MYT1L: variants seen among roughly 807,000 people sequenced by gnomAD.
MYT1L encodes myelin transcription factor 1 like, also known as myelin transcription factor 1-like protein.
MYT1L carries 12 observed loss-of-function variants against 126.7 expected under a neutral mutation model. The ratio of observed to expected loss-of-function variants is 0.09; its 90% CI spans 0.06 to 0.15. The LOEUF (loss-of-function observed/expected upper bound fraction) is 0.15. Among genes scored for constraint, MYT1L ranks in the 10% least tolerant of loss-of-function variants. The probability of loss-of-function intolerance (pLI) is 1.00; values close to 1 mark genes in which losing one functional copy is unlikely to be tolerated. For missense variants in MYT1L, 979 were observed against 1,585.2 expected (o/e 0.62, Z 6.49); for synonymous variants, 541 against 604.2 (o/e 0.90, Z 1.53).
chr2:1,957,894 C>T (rs966372506), intron 8 of MYT1L, among the ~76,000 whole-genome samples: 1 of 152,128 alleles, frequency 6.6e-6, no homozygotes, highest in Non-Finnish European at 1.5e-5. Flanking sequence ...GTTTTAATGA[C>T]CATATCACTC....
At chr2:2,013,530 G>A (rs931719632) in intron 4 of MYT1L, among the ~76,000 whole-genome samples, 3 of 152,232 alleles carry the variant, frequency 2.0e-5, no homozygotes, top group Admixed American at 1.3e-4. Flanking sequence ...CATGGTCACC[G>A]TGAGGGCACA....
chr2:2,294,465 G>A (rs995421524), intron 1 of MYT1L, among the ~76,000 whole-genome samples: 1 of 152,076 alleles, frequency 6.6e-6, no homozygotes, highest in Non-Finnish European at 1.5e-5. Context: ...TCTGATGCCC[G>A]CGCCTGATGC....
At chr2:1,851,804 C>G in intron 18 of MYT1L, 101 bp from the exon 19 acceptor site, 1 of 1,129,558 alleles carries the variant, frequency 8.9e-7, no homozygotes, top group Non-Finnish European at 1.3e-6. Context: ...TCTATTGCTT[C>G]ACTTCCTACT....
chr2:1,843,272 G>A (rs539470333), intron 19 of MYT1L, among the ~76,000 whole-genome samples: 1 of 152,236 alleles, frequency 6.6e-6, no homozygotes, highest in Non-Finnish European at 1.5e-5. Flanking sequence ...CCTCTGAGAG[G>A]CGATGCCTGG....
rs544308620 is a variant in MYT1L, at chr2:2,263,615, T to A, written c.-421+20789A>T. Among the ~76,000 whole-genome samples the A allele has an allele frequency of 2.1e-3, 321 of 152,260 alleles. 1 individual carries two copies. Among genetic ancestry groups the A allele is most frequent in the South Asian group, 0.018 (85 of 4,824 alleles). ...CCTCTGCCTTTACTTACAGCACCTGTCAGCTGATGCAGCTCACGCCCCAGG... is the reference window on the plus strand; with the variant it reads ...CCTCTGCCTTTACTTACAGCACCTGACAGCTGATGCAGCTCACGCCCCAGG... On this transcript the variant is annotated intron_variant, in intron 2 of 24. Transcript: ENST00000647738.
chr2:2,140,294 A>C (rs1234517166), intron 3 of MYT1L, among the ~76,000 whole-genome samples: 1 of 152,208 alleles, frequency 6.6e-6, no homozygotes, highest in Admixed American at 6.5e-5. Context: ...AGGAACCAAT[A>C]AGAATGTTTT....
At chr2:2,111,155 C>T (rs994716153) in intron 3 of MYT1L, among the ~76,000 whole-genome samples, 2 of 152,126 alleles carry the variant, frequency 1.3e-5, no homozygotes, top group Admixed American at 1.3e-4. Flanking sequence ...GGAGAGTACC[C>T]CAGCGTCAGC....
At chr2:1,998,363 G>A (rs1431352559) in intron 4 of MYT1L, among the ~76,000 whole-genome samples, 1 of 152,206 alleles carries the variant, frequency 6.6e-6, no homozygotes, top group African/African-American at 2.4e-5. Context: ...CCTCATTAGA[G>A]CAACAGGAAA....
intron 18 of MYT1L, among the ~76,000 whole-genome samples, chr2:1,865,105 A>G (rs2045281975): frequency 6.6e-6 from 1 of 152,142 alleles, no homozygotes; most frequent in South Asian, 2.1e-4. Context: ...TCAGCGTGCT[A>G]ACCCTCCAGG....
chr2:2,257,448 C>T (rs180747887), intron 2 of MYT1L, among the ~76,000 whole-genome samples: 11 of 152,180 alleles, frequency 7.2e-5, no homozygotes, highest in East Asian at 1.9e-4. Flanking sequence ...GAGGCTGAAG[C>T]GGTTGGATCA....
At chr2:2,120,476 T>C (rs2080840974) in intron 3 of MYT1L, among the ~76,000 whole-genome samples, 1 of 152,082 alleles carries the variant, frequency 6.6e-6, no homozygotes, top group Non-Finnish European at 1.5e-5. Flanking sequence ...GCCTTTTTTA[T>C]TTATTTTTAT....
At chr2:1,996,771 C>T (rs1238096531) in intron 5 of MYT1L, among the ~76,000 whole-genome samples, 6 of 127,666 alleles carry the variant, frequency 4.7e-5, no homozygotes, top group East Asian at 2.5e-4. Flanking sequence ...CGAGTGTAGA[C>T]GGGCCGCCTT....
chr2:2,156,061 A>G (rs1357784728), intron 3 of MYT1L, among the ~76,000 whole-genome samples: 2 of 152,320 alleles, frequency 1.3e-5, no homozygotes, highest in Non-Finnish European at 2.9e-5. Flanking sequence ...ATGTAGGTGG[A>G]TAAATAAATT....
At chr2:2,246,424 T>C (rs1486488261) in intron 2 of MYT1L, among the ~76,000 whole-genome samples, 2 of 152,140 alleles carry the variant, frequency 1.3e-5, no homozygotes, top group Admixed American at 1.3e-4. Flanking sequence ...AAATGAGCTG[T>C]GTGTGCCGCA....
At chr2:1,895,368 T>C (rs1327615544) in intron 14 of MYT1L, among the ~76,000 whole-genome samples, 1 of 152,192 alleles carries the variant, frequency 6.6e-6, no homozygotes, top group Non-Finnish European at 1.5e-5. Flanking sequence ...TTCTAAAATT[T>C]CTATGAAATC....
chr2:1,803,890 C>G (rs1013094934), intron 22 of MYT1L, among the ~76,000 whole-genome samples: 7 of 152,210 alleles, frequency 4.6e-5, no homozygotes, highest in Admixed American at 1.3e-4. Flanking sequence ...CAAACTGATT[C>G]TGTAGAGCTG....
intron 3 of MYT1L, among the ~76,000 whole-genome samples, chr2:2,091,715 T>C (rs566385360): frequency 1.3e-5 from 2 of 152,352 alleles, no homozygotes; most frequent in African/African-American, 2.4e-5. Flanking sequence ...CTGTTGTTAA[T>C]GTAACCAACT....
chr2:2,042,079 G>A (rs968812563), intron 4 of MYT1L, among the ~76,000 whole-genome samples: 16 of 152,190 alleles, frequency 1.1e-4, no homozygotes, highest in African/African-American at 3.9e-4. Context: ...GAGACATTCA[G>A]TGGCAAGGGA....
chr2:1,937,732 C>T (rs1244301512), intron 9 of MYT1L, among the ~76,000 whole-genome samples: 1 of 152,120 alleles, frequency 6.6e-6, no homozygotes, highest in Non-Finnish European at 1.5e-5. Context: ...CTAACGTCCA[C>T]AGCCATCAGA....
Sources: allele counts gnomAD v4.1 joint callset (sites outside exome capture counted in the v4.1 genomes callset), GRCh38; gene constraint gnomAD v4.1.1; transcripts MANE v1.5; gene names NCBI Gene and HGNC (gene_info 2026-07-23, HGNC 2026-07-21).